Variants in MACROH2A2 observed in about 807,000 individuals in gnomAD.
The protein encoded by MACROH2A2 is core histone macro-H2A.2.
Under a neutral mutation model 37.6 loss-of-function variants are expected in MACROH2A2, and 6 were observed. The ratio of observed to expected loss-of-function variants is 0.16; its 90% CI spans 0.09 to 0.32. The LOEUF is 0.32. Ranked by LOEUF, MACROH2A2 falls within the 10% of genes least tolerant of loss-of-function variation. The pLI is 1.00. For synonymous variants in MACROH2A2, 192 were observed against 202.7 expected, an observed-to-expected ratio of 0.95 and a Z score of 0.45; for missense variants, 290 against 485.9, an observed-to-expected ratio of 0.60 and a Z score of 3.79.
At chr10:70,111,333 T>C (rs2072373011) in intron 8 of MACROH2A2, among the ~76,000 whole-genome samples, 185 bp from the exon 9 acceptor site, 2 of 152,112 alleles carry the variant, frequency 1.3e-5, no homozygotes, top group Admixed American at 6.5e-5. Flanking sequence ...GTGACACCTA[T>C]AAAGTGGGGG....
Position 70,091,836 on chromosome 10 carries a change from C to A in MACROH2A2, c.359C>A (p.Thr120Asn), listed in dbSNP as rs1371006120. The A allele has an allele frequency of 1.9e-6, 3 of 1,614,042 alleles. No individual in the cohort carries two copies. Among genetic ancestry groups the A allele is most frequent in the Non-Finnish European group, 2.5e-6 (3 of 1,179,990 alleles). The change falls in exon 4 of 9, where the codon ACC becomes AAC. Residue 120 changes from threonine (T) to asparagine (N), a missense_variant. By Grantham distance (65) the Thr-to-Asn change is moderately conservative. Transcript: ENST00000373255. ...GAACTGCTGGCCAAAAAGCGAGGGA[C>A]CAAAGGCAAGTCGGAAACGATCCTC... ...HPELLAKKRG[T>N]KGKSETILSP...
In MACROH2A2 at chr10:70,111,904, T is replaced by G. The variant is rs1221002481; in HGVS notation, c.*221T>G. 5.3e-6 allele frequency: 2 copies of G among 376,484 alleles called. No individual in the cohort carries two copies. Among genetic ancestry groups the G allele is most frequent in the African/African-American group, 4.2e-5 (2 of 48,172 alleles). The allele number at this position is 376,484 out of a possible 1,614,324, so 23.3% of individuals were successfully genotyped here. On this transcript the variant is annotated 3_prime_UTR_variant, in exon 9 of 9. Transcript: ENST00000373255. Reference sequence around the variant, plus strand: ...AGGGGTTTCTTTCCATGTGTTTTCCTCCTGTTGTTTTAGAACTTTTTTAAA... The same window carrying G: ...AGGGGTTTCTTTCCATGTGTTTTCCGCCTGTTGTTTTAGAACTTTTTTAAA...
At chr10:70,072,230 CTTTAAG>C (rs1564541914) in intron 1 of MACROH2A2, among the ~76,000 whole-genome samples, 1 of 151,578 alleles carries the variant, frequency 6.6e-6, no homozygotes, top group South Asian at 2.1e-4. Context: ...TATTATTATA[CTTTAAG>C]TTTATAAGCA....
intron 2 of MACROH2A2, among the ~76,000 whole-genome samples, chr10:70,079,359 G>T (rs377135789): frequency 2.0e-5 from 3 of 151,946 alleles, no homozygotes; most frequent in South Asian, 4.2e-4. Flanking sequence ...ATTCAGACTG[G>T]GGGGGCGGGT....
At chr10:70,111,218 G>A (rs2072371508) in intron 8 of MACROH2A2, among the ~76,000 whole-genome samples, 1 of 151,922 alleles carries the variant, frequency 6.6e-6, no homozygotes, top group South Asian at 2.1e-4. Context: ...GCAGTGAGCT[G>A]AGATCGCGCC....
At chr10:70,104,425 G>A (rs1005887586) in intron 7 of MACROH2A2, among the ~76,000 whole-genome samples, 4 of 151,450 alleles carry the variant, frequency 2.6e-5, no homozygotes, top group South Asian at 2.1e-4. Flanking sequence ...GCCTGTAATC[G>A]AAGCACTTTG....
intron 5 of MACROH2A2, among the ~76,000 whole-genome samples, chr10:70,095,443 C>T (rs1407353743): frequency 1.3e-5 from 2 of 152,016 alleles, no homozygotes; most frequent in Admixed American, 6.6e-5. Flanking sequence ...TGCATGCTGC[C>T]AGCCCCAGAG....
At position 70,111,146 on chromosome 10, in the gene MACROH2A2, G is replaced by A. The variant is rs150092337; in HGVS notation, c.954-372G>A. 7.4e-4 allele frequency among the ~76,000 whole-genome samples: 113 copies of A among 152,176 alleles called. 1 individual carries two copies. Among genetic ancestry groups the A allele is most frequent in the African/African-American group, 2.6e-3 (108 of 41,530 alleles). On this transcript the variant is annotated intron_variant, in intron 8 of 8. Coordinates refer to ENST00000373255, the MANE Select transcript of MACROH2A2 (RefSeq NM_018649.3). ...TAGCCAGGCATGATGGTGCGCACTT[G>A]TAGTCCCAGCTGCTTGGGATGCTGA...
At chr10:70,096,508 TG>T (rs1390516048) in intron 6 of MACROH2A2, among the ~76,000 whole-genome samples, 1 of 152,200 alleles carries the variant, frequency 6.6e-6, no homozygotes, top group East Asian at 1.9e-4. Flanking sequence ...GAGTTATTTT[TG>T]CCTGTGGTTT....
Position 70,105,853 on chromosome 10 carries a change from T to A in MACROH2A2, c.779-3180T>A, listed in dbSNP as rs2072334559. ...AAAAAGGGGAATCGGGTTTCAGGAG[T>A]GAATGGCCATTTTACTGGGCACGTG... is the stretch of plus-strand genomic sequence containing the variant. On this transcript the variant is annotated intron_variant, in intron 7 of 8. Transcript: ENST00000373255. Among the ~76,000 whole-genome samples the A allele has an allele frequency of 2.0e-5, 3 of 151,218 alleles. No individual in the cohort carries two copies. The South Asian group carries it at 6.3e-4, about 32-fold the overall frequency.
intron 7 of MACROH2A2, among the ~76,000 whole-genome samples, chr10:70,101,731 A>C (rs961272970): frequency 6.6e-6 from 1 of 152,162 alleles, no homozygotes; most frequent in Non-Finnish European, 1.5e-5. Context: ...TGGACATTTC[A>C]TATAAATGGG....
At chr10:70,083,474 C>T (rs1009954830) in intron 2 of MACROH2A2, among the ~76,000 whole-genome samples, 2 of 152,170 alleles carry the variant, frequency 1.3e-5, no homozygotes, top group African/African-American at 4.8e-5. Flanking sequence ...CAGTCTACTG[C>T]TCCTGTCAGG....
intron 2 of MACROH2A2, among the ~76,000 whole-genome samples, chr10:70,081,104 G>A (rs10823480): frequency 4.1e-5 from 6 of 146,162 alleles, no homozygotes; most frequent in African/African-American, 1.5e-4. Context: ...ATGTCCAGAA[G>A]AGCAGAGTGG....
Position 70,078,255 on chromosome 10 carries a change from C to T in MACROH2A2, c.172+2425C>T, listed in dbSNP as rs763613533. On this transcript the variant is annotated intron_variant, in intron 2 of 8. Coordinates refer to ENST00000373255, the MANE Select transcript of MACROH2A2 (RefSeq NM_018649.3). ...ACAGTAAGTCCTTAGGCAGAGTTCC[C>T]GCAATAGAATTGGGCCATTTATACA... Among the ~76,000 whole-genome samples the T allele has an allele frequency of 2.6e-5, 4 of 152,300 alleles. No homozygotes were observed. In the Middle Eastern group the frequency reaches 0.01, roughly 389 times the overall value.
At chr10:70,061,833 T>C (rs754205935) in intron 1 of MACROH2A2, among the ~76,000 whole-genome samples, 1 of 152,216 alleles carries the variant, frequency 6.6e-6, no homozygotes, top group Non-Finnish European at 1.5e-5. Context: ...TTTGATGAAA[T>C]TGCATTTGAT....
chr10:70,058,254 T>C (rs891816876), intron 1 of MACROH2A2, among the ~76,000 whole-genome samples: 1 of 152,230 alleles, frequency 6.6e-6, no homozygotes, highest in African/African-American at 2.4e-5. Flanking sequence ...CCATCCATCA[T>C]ACTTTGCCCG....
At chr10:70,060,634 C>T (rs1455563952) in intron 1 of MACROH2A2, among the ~76,000 whole-genome samples, 21 of 152,200 alleles carry the variant, frequency 1.4e-4, no homozygotes, top group Admixed American at 1.4e-3. Flanking sequence ...TAACGGTGCG[C>T]CTGCACACCT....
intron 1 of MACROH2A2, among the ~76,000 whole-genome samples, chr10:70,060,179 G>A (rs1355573531): frequency 2.6e-5 from 4 of 151,982 alleles, no homozygotes; most frequent in African/African-American, 9.7e-5. Context: ...AGACCAGTCT[G>A]GCCCACATGC....
intron 8 of MACROH2A2, among the ~76,000 whole-genome samples, chr10:70,111,193 C>T (rs1192326263): frequency 7.9e-5 from 12 of 152,106 alleles, no homozygotes; most frequent in Admixed American, 6.5e-4. Context: ...CGCTTGAACC[C>T]GGGAGGTGGA....
Sources: gnomAD v4.1 joint callset for allele counts (sites outside exome capture counted in the v4.1 genomes callset) on GRCh38, gnomAD v4.1.1 for gene constraint, MANE v1.5 for transcripts, NCBI Gene and HGNC (gene_info 2026-07-23, HGNC 2026-07-21) for gene names.